ADGRE1: variants seen among roughly 807,000 people sequenced by gnomAD.
ADGRE1 encodes the protein EGF-like module receptor 1.
In ADGRE1, 82 loss-of-function variants were observed where a neutral mutation model predicts 102.7. That is an observed-to-expected ratio of 0.80 (90% CI 0.67 to 0.96). The LOEUF (loss-of-function observed/expected upper bound fraction) is 0.96, where lower values mean the gene tolerates loss of function less well. Ranked by LOEUF, ADGRE1 falls within the 40% of genes least tolerant of loss-of-function variation. The pLI, the probability that ADGRE1 is intolerant of heterozygous loss-of-function variation, is 0.00. For synonymous variants in ADGRE1, 398 were observed against 399.6 expected (o/e 1.00, Z 0.05); for missense variants, 1,032 against 1,085.3 (o/e 0.95, Z 0.69).
intron 2 of ADGRE1, chr19:6,894,935 T>A (rs1229612771): frequency 6.6e-6 from 1 of 152,208 alleles, no homozygotes; most frequent in Non-Finnish European, 1.5e-5. Context: ...AAATCACTTG[T>A]CCCAAGACTG....
chr19:6,932,831 G>C (rs1011992340), intron 17 of ADGRE1, among the ~76,000 whole-genome samples: 1 of 152,206 alleles, frequency 6.6e-6, no homozygotes, highest in Non-Finnish European at 1.5e-5. Context: ...TGGTGGTGAT[G>C]ATGAACAAAC....
rs201517457 is a variant in ADGRE1, at chr19:6,924,777, C to G, written c.1891C>G (p.Arg631Gly). The change falls in exon 15 of 21, where the codon CGA (arginine) becomes GGA (glycine). Residue 631 changes from arginine (R) to glycine (G), a missense_variant. Physicochemically the swap from Arg to Gly is moderately radical, Grantham distance 125. Transcript: ENST00000312053. ...CACCTTTCTGCTGTGTCGCTCCATC[C>G]GAAATCACAACACCTACCTCCACCT... ...IATFLLCRSI[R>G]NHNTYLHLHL... The G allele has an allele frequency of 3.1e-6, 5 of 1,614,144 alleles. No individual in the cohort carries two copies. The highest frequency in any genetic ancestry group is 3.3e-4 in the Middle Eastern group (2 of 6,062).
intron 11 of ADGRE1, among the ~76,000 whole-genome samples, chr19:6,914,568 G>A (rs145246742): frequency 7.2e-4 from 109 of 152,210 alleles, no homozygotes; most frequent in Middle Eastern, 3.4e-3. Flanking sequence ...ATAAACCTAC[G>A]AAGTTCCTAC....
chr19:6,899,284 G>A (rs1365809476), intron 5 of ADGRE1, among the ~76,000 whole-genome samples: 5 of 152,064 alleles, frequency 3.3e-5, no homozygotes, highest in East Asian at 3.9e-4. Context: ...GCATCTGATG[G>A]GAAGAGGTCA....
At chr19:6,924,904 G>T (rs369721083) in intron 15 of ADGRE1, 32 bp downstream of exon 15, 267 of 1,607,448 alleles carry the variant, frequency 1.7e-4, no homozygotes, top group Admixed American at 2.7e-4. Context: ...TCCCCACCAA[G>T]CCCCATCTTC....
At chr19:6,899,008 T>C (rs1001826989) in intron 5 of ADGRE1, among the ~76,000 whole-genome samples, 2 of 152,190 alleles carry the variant, frequency 1.3e-5, no homozygotes, top group African/African-American at 4.8e-5. Context: ...GAGGGTTTTG[T>C]TCCTGTCACA....
chr19:6,919,809 T>C lies in ADGRE1; in HGVS notation c.1620+62T>C, dbSNP rs891792338. The C allele has an allele frequency of 2.0e-6, 3 of 1,519,242 alleles. No homozygotes were observed. In the African/African-American group the frequency reaches 4.1e-5, roughly 21 times the overall value. The allele number at this position is 1,519,242 out of a possible 1,614,324, so 94.1% of individuals were successfully genotyped here. On this transcript the variant is annotated intron_variant, in intron 13 of 20. Transcript: ENST00000312053. ...CTGTTGGGAACTCCTCGTCTCTCGA[T>C]TGCCTTAACTCTCATTTTTTACGGG...
chr19:6,902,432 G>T (rs113847093), intron 6 of ADGRE1, among the ~76,000 whole-genome samples: 4,029 of 151,518 alleles, frequency 0.027, 172 homozygotes, highest in African/African-American at 0.09. Flanking sequence ...GTTTTTTTGG[G>T]GTTTTTTTGT....
At chr19:6,905,970 T>C (rs991665133) in intron 8 of ADGRE1, among the ~76,000 whole-genome samples, 3 of 152,222 alleles carry the variant, frequency 2.0e-5, no homozygotes, top group Admixed American at 6.5e-5. Context: ...TCCCATGGTA[T>C]GTACCCCTAA....
chr19:6,906,747 G>C (rs1219967834), intron 9 of ADGRE1, among the ~76,000 whole-genome samples: 1 of 152,180 alleles, frequency 6.6e-6, no homozygotes, highest in Non-Finnish European at 1.5e-5. Flanking sequence ...TGTGGCCCAA[G>C]GTGGCAGCTC....
At chr19:6,895,246 A>G (rs2144888338) in intron 2 of ADGRE1, 1 of 152,380 alleles carries the variant, frequency 6.6e-6, no homozygotes, top group Non-Finnish European at 1.5e-5. Context: ...TTTCAAGGGC[A>G]TGACCAGACA....
Position 6,904,201 on chromosome 19 carries a change from G to A in ADGRE1, c.949+19G>A, listed in dbSNP as rs768914497. ...TGCCAAAGTAATAATCTCTTTGTAT[G>A]TCTTGGCAATGGAATCTGTTTCTGG... On this transcript the variant is annotated intron_variant, in intron 8 of 20. Transcript: ENST00000312053. 10 of 1,610,548 alleles carry A rather than the reference G, an allele frequency of 6.2e-6. No homozygotes were observed. The highest frequency in any genetic ancestry group is 8.5e-6 in the Non-Finnish European group (10 of 1,178,954).
In ADGRE1 at chr19:6,940,392, G is replaced by T; in HGVS notation, c.*363G>T. ...CATGCCCCTCCAGAGCCTATCATAC[G>T]CCTGATACAGAGAACCTCTCAATAA... On this transcript the variant is annotated 3_prime_UTR_variant, in exon 21 of 21. Transcript: ENST00000312053. The T allele has an allele frequency of 3.3e-6, 1 of 298,874 alleles. No individual in the cohort carries two copies. Among genetic ancestry groups the T allele is most frequent in the Non-Finnish European group, 6.3e-6 (1 of 159,924 alleles). The allele number at this position is 298,874 out of a possible 1,614,324, so 18.5% of individuals were successfully genotyped here.
chr19:6,890,956 T>C (rs535758979), intron 2 of ADGRE1, among the ~76,000 whole-genome samples: 11 of 152,290 alleles, frequency 7.2e-5, no homozygotes, highest in African/African-American at 2.6e-4. Flanking sequence ...TATGTTTTGT[T>C]AAATACTCTC....
Position 6,897,500 on chromosome 19 carries a change from G to T in ADGRE1, c.467G>T (p.Ser156Ile). The change falls in exon 5 of 21, where the codon AGT (serine) becomes ATT (isoleucine). Residue 156 changes from serine to isoleucine, a missense_variant. Coordinates refer to ENST00000312053, the MANE Select transcript of ADGRE1 (RefSeq NM_001974.5). ...SDCVNSMGSY[S>I]CSCQVGFISR... ...TGTGTCAACTCCATGGGAAGCTACA[G>T]TTGCAGCTGTCAAGTTGGATTCATC... The T allele has an allele frequency of 6.3e-7, 1 of 1,595,754 alleles. No homozygotes were observed.
intron 14 of ADGRE1, among the ~76,000 whole-genome samples, chr19:6,923,200 G>A (rs1974743805): frequency 1.3e-5 from 2 of 152,172 alleles, no homozygotes; most frequent in Admixed American, 1.3e-4. Context: ...ACTGGATCCA[G>A]AACAAAACTG....
rs746783385 is a variant in ADGRE1 at position 6,921,686 on chromosome 19, G to T, written c.1621-27G>T. 15 of 1,537,076 alleles carry T rather than the reference G, an allele frequency of 9.8e-6. 1 individual carries two copies. Among genetic ancestry groups the T allele is most frequent in the South Asian group, 9.5e-5 (8 of 84,258 alleles). On this transcript the variant is annotated intron_variant, in intron 13 of 20. Coordinates refer to ENST00000312053, the MANE Select transcript of ADGRE1 (RefSeq NM_001974.5). Reference sequence around the variant, plus strand: ...TGATGGGGATTCCCAGAAGACCTTTGTTTTTTTGTTTTTTTGTTTTTTTTA... The same window carrying T: ...TGATGGGGATTCCCAGAAGACCTTTTTTTTTTTGTTTTTTTGTTTTTTTTA...
At chr19:6,938,698 C>T (rs1426290588) in intron 20 of ADGRE1, among the ~76,000 whole-genome samples, 4 of 151,304 alleles carry the variant, frequency 2.6e-5, no homozygotes, top group Admixed American at 6.6e-5. Context: ...TGGAAGAGTG[C>T]CTCGGACATA....
chr19:6,926,537 C>T lies in ADGRE1; in HGVS notation c.2158C>T (p.Leu720=). Residue 720 remains leucine (L), a synonymous_variant, in exon 16 of 21, where the codon CTG becomes TTG. Coordinates refer to ENST00000312053, the MANE Select transcript of ADGRE1 (RefSeq NM_001974.5). ...GCACATCTGTGCCTTTGGTTATGGG[C>T]TGCCGATGCTGGTGGTGGTGATCTC... ...MLHICAFGYG[L]PMLVVVISAS... 6.2e-7 allele frequency: 1 copy of T among 1,614,242 alleles called. No individual in the cohort carries two copies. The highest frequency in any genetic ancestry group is 8.5e-7 in the Non-Finnish European group (1 of 1,180,048).
Sources: allele counts gnomAD v4.1 joint callset (sites outside exome capture counted in the v4.1 genomes callset), GRCh38; gene constraint gnomAD v4.1.1; transcripts MANE v1.5; gene names NCBI Gene and HGNC (gene_info 2026-07-23, HGNC 2026-07-21).